CNTNAP5: variants seen among roughly 807,000 people sequenced by gnomAD.
The protein encoded by CNTNAP5 is contactin-associated protein-like 5.
CNTNAP5 carries 72 observed loss-of-function variants against 150.2 expected under a neutral mutation model. The ratio of observed to expected loss-of-function variants is 0.48; its 90% confidence interval spans 0.40 to 0.58. CNTNAP5 has a LOEUF of 0.58. Ranked by LOEUF, CNTNAP5 falls within the 20% of genes least tolerant of loss-of-function variation. CNTNAP5 has a pLI of 0.00. For synonymous variants in CNTNAP5, 672 were observed against 619.8 expected (o/e 1.08, Z -1.25); for missense variants, 1,636 against 1,626.2 (o/e 1.01, Z -0.10).
intron 18 of CNTNAP5, among the ~76,000 whole-genome samples, chr2:124,794,266 C>T (rs1034324438): frequency 4.6e-5 from 7 of 152,222 alleles, no homozygotes; most frequent in South Asian, 2.1e-4. Flanking sequence ...CTACAGTCCA[C>T]GTTGTATGAC....
chr2:124,191,586 T>C (rs1315615542), intron 1 of CNTNAP5, among the ~76,000 whole-genome samples: 1 of 152,116 alleles, frequency 6.6e-6, no homozygotes, highest in Non-Finnish European at 1.5e-5. Flanking sequence ...AGGCAATCAT[T>C]CGATATTAGG....
intron 3 of CNTNAP5, among the ~76,000 whole-genome samples, chr2:124,255,513 G>T (rs763269466): frequency 2.7e-4 from 40 of 147,794 alleles, no homozygotes; most frequent in Middle Eastern, 3.4e-3. Context: ...AACAGAGCGA[G>T]ACTCTGTCTC....
At chr2:124,120,595 G>C (rs1274055963) in intron 1 of CNTNAP5, among the ~76,000 whole-genome samples, 1 of 152,192 alleles carries the variant, frequency 6.6e-6, no homozygotes, top group East Asian at 1.9e-4. Flanking sequence ...GTGCAGAACA[G>C]TTATTCAACC....
At chr2:124,448,203 G>T (rs1692872352) in intron 6 of CNTNAP5, among the ~76,000 whole-genome samples, 1 of 151,896 alleles carries the variant, frequency 6.6e-6, no homozygotes, top group Non-Finnish European at 1.5e-5. Flanking sequence ...GGGAGGTGGT[G>T]CTTGCAGTGA....
chr2:124,230,170 C>A (rs950547681), intron 2 of CNTNAP5, among the ~76,000 whole-genome samples: 1 of 152,136 alleles, frequency 6.6e-6, no homozygotes, highest in African/African-American at 2.4e-5. Flanking sequence ...ACCCCCCATA[C>A]CACTTCCTTG....
intron 4 of CNTNAP5, among the ~76,000 whole-genome samples, chr2:124,432,001 G>A (rs1543900): frequency 0.44 from 67,494 of 151,922 alleles, 15,053 homozygotes; most frequent in Middle Eastern, 0.54. Context: ...CACCTGCCAT[G>A]TTCAGGCTCT....
At chr2:124,289,286 G>T (rs918082149) in intron 3 of CNTNAP5, among the ~76,000 whole-genome samples, 2 of 152,158 alleles carry the variant, frequency 1.3e-5, no homozygotes, top group African/African-American at 4.8e-5. Flanking sequence ...CTCTAATAAA[G>T]ATTGTTTTTA....
At chr2:124,064,613 C>G (rs555060001) in intron 1 of CNTNAP5, among the ~76,000 whole-genome samples, 3 of 152,132 alleles carry the variant, frequency 2.0e-5, no homozygotes, top group Non-Finnish European at 4.4e-5. Context: ...TACAGAGCAT[C>G]TTTAATGGTA....
At chr2:124,137,333 T>C (rs1045349045) in intron 1 of CNTNAP5, among the ~76,000 whole-genome samples, 2 of 151,694 alleles carry the variant, frequency 1.3e-5, no homozygotes, top group African/African-American at 4.8e-5. Flanking sequence ...TCCATGTTAA[T>C]CCAAACTTTA....
intron 16 of CNTNAP5, among the ~76,000 whole-genome samples, chr2:124,767,695 C>G (rs1359139129): frequency 6.6e-6 from 1 of 152,110 alleles, no homozygotes; most frequent in Non-Finnish European, 1.5e-5. Flanking sequence ...ACAGAAAATT[C>G]AATCTGAACT....
chr2:124,037,874 G>A (rs1681268107), intron 1 of CNTNAP5, among the ~76,000 whole-genome samples: 1 of 152,118 alleles, frequency 6.6e-6, no homozygotes, highest in Non-Finnish European at 1.5e-5. Flanking sequence ...AAAACATTAT[G>A]TTGTACTCCA....
chr2:124,475,306 A>G (rs923113551), intron 7 of CNTNAP5, among the ~76,000 whole-genome samples: 1 of 152,118 alleles, frequency 6.6e-6, no homozygotes, highest in Non-Finnish European at 1.5e-5. Flanking sequence ...GAGGGAGATT[A>G]AACTTTTAGT....
At chr2:124,479,330 C>A (rs985906689) in intron 7 of CNTNAP5, among the ~76,000 whole-genome samples, 1 of 152,188 alleles carries the variant, frequency 6.6e-6, no homozygotes, top group Non-Finnish European at 1.5e-5. Flanking sequence ...TTTTTTTGAG[C>A]TGTCCTTTCT....
chr2:124,695,824 G>A (rs746079514), intron 13 of CNTNAP5, among the ~76,000 whole-genome samples: 1 of 152,112 alleles, frequency 6.6e-6, no homozygotes, highest in Non-Finnish European at 1.5e-5. Context: ...TGTCTTCTGG[G>A]TGATCATTGC....
chr2:124,768,252 AC>A (rs1681108663), intron 16 of CNTNAP5, among the ~76,000 whole-genome samples: 1 of 146,432 alleles, frequency 6.8e-6, no homozygotes, highest in South Asian at 2.2e-4. Context: ...GAAAAACTGT[AC>A]ATATATATAC....
chr2:124,085,333 T>C (rs1400939573), intron 1 of CNTNAP5, among the ~76,000 whole-genome samples: 2 of 152,222 alleles, frequency 1.3e-5, no homozygotes, highest in Admixed American at 1.3e-4. Flanking sequence ...TTCAGATTTA[T>C]GAGATACAGC....
intron 11 of CNTNAP5, among the ~76,000 whole-genome samples, chr2:124,593,370 G>A (rs1248411162): frequency 8.7e-6 from 1 of 114,304 alleles, no homozygotes; most frequent in Non-Finnish European, 1.8e-5. Flanking sequence ...CCACCTATGA[G>A]TGAGAATATG....
intron 3 of CNTNAP5, among the ~76,000 whole-genome samples, chr2:124,276,950 G>T (rs940863156): frequency 2.0e-5 from 3 of 152,066 alleles, no homozygotes; most frequent in African/African-American, 7.2e-5. Flanking sequence ...AGAAAAATGG[G>T]GCTCAGCAAA....
At chr2:124,876,865 T>A (rs1280295346) in intron 21 of CNTNAP5, among the ~76,000 whole-genome samples, 2 of 152,048 alleles carry the variant, frequency 1.3e-5, no homozygotes, top group Non-Finnish European at 2.9e-5. Flanking sequence ...TTTAGATTCG[T>A]TAATCTAATT....
Sources: allele counts gnomAD v4.1 joint callset (sites outside exome capture counted in the v4.1 genomes callset), GRCh38; gene constraint gnomAD v4.1.1; transcripts MANE v1.5; gene names NCBI Gene and HGNC (gene_info 2026-07-23, HGNC 2026-07-21).